The following PABPN1L variants were observed in gnomAD, a reference collection of about 807,000 sequenced individuals.
The protein encoded by PABPN1L is embryonic polyadenylate-binding protein 2.
In PABPN1L, 45 loss-of-function variants were observed where a neutral mutation model predicts 34.0. That is an observed-to-expected ratio of 1.32 (90% CI 1.04 to 1.70). The LOEUF is 1.70. Ranked by LOEUF, PABPN1L falls within the 40% of genes most tolerant of loss-of-function variation. The probability of loss-of-function intolerance (pLI) is 0.00; values close to 1 mark genes in which losing one functional copy is unlikely to be tolerated. For missense variants in PABPN1L, 459 were observed against 367.8 expected, an observed-to-expected ratio of 1.25 and a Z score of -2.03; for synonymous variants, 182 against 152.1, an observed-to-expected ratio of 1.20 and a Z score of -1.45.
chr16:88,869,638 G>A (rs756770803), upstream of PABPN1L, among the ~76,000 whole-genome samples: 61 of 152,242 alleles, frequency 4.0e-4, no homozygotes, highest in Non-Finnish European at 6.5e-4. Flanking sequence ...CCTGTGTGTT[G>A]GAGGGTCTGC....
At chr16:88,865,101 G>C (rs76746996) in exon 4 of PABPN1L, 1 of 1,584,488 alleles carries the variant, frequency 6.3e-7, no homozygotes, top group Non-Finnish European at 8.6e-7. Context: ...TGGGCCTCCA[G>C]CTCCTCGGCG....
In PABPN1L at chr16:88,863,800, A is replaced by G. The variant is rs1223869836; in HGVS notation, c.798-5T>C. The G allele has an allele frequency of 2.6e-6, 4 of 1,535,754 alleles. No homozygotes were observed. Among genetic ancestry groups the G allele is most frequent in the Non-Finnish European group, 3.5e-6 (4 of 1,146,770 alleles). On this transcript the variant is annotated splice_region_variant and splice_polypyrimidine_tract_variant and intron_variant, in intron 6 of 6. Coordinates refer to ENST00000419291, the Ensembl canonical transcript of PABPN1L. ...GGTGAGAATTTTCCACGGGCCCTGCACGGAGAGAGAACACACACTGAGTGG... is the reference window on the plus strand; with the variant it reads ...GGTGAGAATTTTCCACGGGCCCTGCGCGGAGAGAGAACACACACTGAGTGG...
chr16:88,866,747 T>C (rs1968613709), upstream of PABPN1L: 1 of 1,227,948 alleles, frequency 8.1e-7, no homozygotes, highest in Admixed American at 2.9e-5. Flanking sequence ...AAAGGCTGAG[T>C]GGGGCTGAGC....
At chr16:88,868,450 A>G (rs1968641534), upstream of PABPN1L, among the ~76,000 whole-genome samples, 1 of 152,092 alleles carries the variant, frequency 6.6e-6, no homozygotes, top group Non-Finnish European at 1.5e-5. Context: ...TAAAAATACA[A>G]AAACAATTAG....
chr16:88,864,331 C>A, exon 6 of PABPN1L: 1 of 1,555,466 alleles, frequency 6.4e-7, no homozygotes, highest in East Asian at 2.4e-5. Flanking sequence ...CGAAGGCCCC[C>A]GCGGTCTGTG....
At chr16:88,868,034 C>G (rs1469729813), upstream of PABPN1L, among the ~76,000 whole-genome samples, 1 of 152,212 alleles carries the variant, frequency 6.6e-6, no homozygotes, top group African/African-American at 2.4e-5. Context: ...GTGGCCTAGG[C>G]TGGAGCTGCA....
intron 6 of PABPN1L, 61 bp from the exon 7 acceptor site, chr16:88,863,856 G>A (rs1710676373): frequency 6.8e-7 from 1 of 1,472,382 alleles, no homozygotes; most frequent in Non-Finnish European, 9.2e-7. Context: ...GGTGGCCCAG[G>A]GCCCCGGGGG....
At chr16:88,869,717 G>C (rs1462931872), upstream of PABPN1L, among the ~76,000 whole-genome samples, 1 of 152,258 alleles carries the variant, frequency 6.6e-6, no homozygotes, top group Non-Finnish European at 1.5e-5. Flanking sequence ...ACCAGAGTCT[G>C]CTGGACTCGG....
upstream of PABPN1L, among the ~76,000 whole-genome samples, chr16:88,868,047 GCTGCAC>G (rs1253742704): frequency 6.6e-6 from 1 of 152,174 alleles, no homozygotes; most frequent in Non-Finnish European, 1.5e-5. Context: ...GAGCTGCACT[GCTGCAC>G]CATGCACCAC....
intron 6 of PABPN1L, 92 bp from the exon 7 acceptor site, chr16:88,863,887 G>A: frequency 7.7e-7 from 1 of 1,297,188 alleles, no homozygotes; most frequent in Non-Finnish European, 1.1e-6. Context: ...AAGGATGCAG[G>A]GAGGTCACCT....
At chr16:88,865,122 A>G (rs1333104737) in exon 4 of PABPN1L, 8 of 1,570,772 alleles carry the variant, frequency 5.1e-6, no homozygotes, top group Middle Eastern at 1.7e-4. Context: ...GAGCCCCCGT[A>G]GTCCACCTGC....
chr16:88,864,491 C>T (rs1597639328), intron 5 of PABPN1L, 112 bp from the exon 6 acceptor site: 4 of 1,408,274 alleles, frequency 2.8e-6, no homozygotes, highest in South Asian at 1.5e-5. Context: ...CTCAGGATAC[C>T]ATTCGGGCCT....
chr16:88,867,958 G>A (rs1050994657), upstream of PABPN1L, among the ~76,000 whole-genome samples: 5 of 152,204 alleles, frequency 3.3e-5, no homozygotes, highest in African/African-American at 4.8e-5. Flanking sequence ...ACTGCACCCC[G>A]GTGTTTAGCC....
chr16:88,864,860 ACCCGGCC>A lies in PABPN1L; in HGVS notation c.640_646del (p.Gly214SerfsTer70). On this transcript the variant is annotated frameshift_variant, in exon 5 of 7. Coordinates refer to ENST00000419291, the Ensembl canonical transcript of PABPN1L. LOFTEE classifies it high-confidence loss of function. ...TGGGGAGCACCGGCGCACCTTGATG[ACCCGGCC>A]CCGGAAGAGGCTCTGGTCCAGCTCC... 1 of 1,601,692 alleles carries A rather than the reference ACCCGGCC, an allele frequency of 6.2e-7. No homozygotes were observed. Among genetic ancestry groups the A allele is most frequent in the Non-Finnish European group, 8.5e-7 (1 of 1,174,588 alleles).
intron 5 of PABPN1L, 150 bp from the exon 6 acceptor site, chr16:88,864,529 A>G: frequency 8.2e-7 from 1 of 1,213,016 alleles, no homozygotes; most frequent in Non-Finnish European, 1.1e-6. Context: ...TGCCTACCAT[A>G]GCTGTCATAT....
exon 7 of PABPN1L, chr16:88,863,791 G>T: frequency 6.5e-7 from 1 of 1,536,006 alleles, no homozygotes; most frequent in Non-Finnish European, 8.7e-7. Context: ...AATTTTCCAC[G>T]GGCCCTGCAC....
At position 88,864,782 on chromosome 16, in the gene PABPN1L, C is replaced by T. The variant is rs1296271127; in HGVS notation, c.654+71G>A. The T allele has an allele frequency of 2.6e-5, 38 of 1,449,750 alleles. No homozygotes were observed. The Admixed American group carries it at 7.1e-4, about 27-fold the overall frequency. The allele number at this position is 1,449,750 out of a possible 1,614,324, so 89.8% of individuals were successfully genotyped here. The stretch of plus-strand genomic sequence containing the variant: ...TGCAGAGAGGAGCCAGCTGGGGCTG[C>T]TGTGTGTCCCAGGGCCAGTGGGCCA... On this transcript the variant is annotated intron_variant, in intron 5 of 6. Coordinates refer to ENST00000419291, the Ensembl canonical transcript of PABPN1L.
chr16:88,864,440 C>T, intron 5 of PABPN1L, 61 bp from the exon 6 acceptor site: 1 of 1,494,796 alleles, frequency 6.7e-7, no homozygotes, highest in East Asian at 2.5e-5. Context: ...GCTCACAGCC[C>T]CCGCAGCCCC....
chr16:88,865,659 G>C, intron 2 of PABPN1L, 29 bp from the exon 3 acceptor site: 1 of 1,587,408 alleles, frequency 6.3e-7, no homozygotes, highest in Non-Finnish European at 8.6e-7. Flanking sequence ...AGGCCCGCAG[G>C]CCCTTGGTTC....
Sources: gnomAD v4.1 joint callset for allele counts (sites outside exome capture counted in the v4.1 genomes callset) on GRCh38, gnomAD v4.1.1 for gene constraint, MANE v1.5 for transcripts, NCBI Gene and HGNC (gene_info 2026-07-23, HGNC 2026-07-21) for gene names.